Variants in CILK1 observed in about 807,000 individuals in gnomAD.
The protein encoded by CILK1 is serine/threonine-protein kinase ICK.
Under a neutral mutation model 79.2 loss-of-function variants are expected in CILK1, and 47 were observed. The ratio of observed to expected loss-of-function variants is 0.59; its 90% CI spans 0.47 to 0.76. The LOEUF is 0.76. CILK1 is among the 30% of genes least tolerant of loss of function. The pLI, the probability that CILK1 is intolerant of heterozygous loss-of-function variation, is 0.00. For synonymous variants in CILK1, 266 were observed against 275.9 expected (o/e 0.96, Z 0.36); for missense variants, 660 against 769.5 (o/e 0.86, Z 1.68).
In CILK1 at chr6:53,012,245, G is replaced by A. The variant is rs1562006114; in HGVS notation, c.1153-18C>T. 2 of 1,612,804 alleles carry A rather than the reference G, an allele frequency of 1.2e-6. No homozygotes were observed. The highest frequency in any genetic ancestry group is 8.5e-7 in the Non-Finnish European group (1 of 1,178,942). ...GTGATTTTCTGTGTAAACAAACGGG[G>A]TGGGGGAAAGCAATACTTGGCATTA... On this transcript the variant is annotated intron_variant, in intron 9 of 13. Transcript: ENST00000676107.
chr6:53,052,236 A>G (rs1181750693), intron 1 of CILK1, among the ~76,000 whole-genome samples: 1 of 152,138 alleles, frequency 6.6e-6, no homozygotes, highest in Non-Finnish European at 1.5e-5. Context: ...ATGATCTCAT[A>G]CCATTTTATA....
At chr6:53,014,355 C>T (rs192207824) in intron 8 of CILK1, among the ~76,000 whole-genome samples, 68 of 152,134 alleles carry the variant, frequency 4.5e-4, no homozygotes, top group Admixed American at 2.0e-3. Context: ...AAAAATAATA[C>T]AAAACTGAAA....
chr6:53,018,547 G>A, intron 6 of CILK1, 46 bp from the exon 7 acceptor site: 3 of 1,561,532 alleles, frequency 1.9e-6, no homozygotes, highest in Non-Finnish European at 2.6e-6. Flanking sequence ...CCACCACTCA[G>A]ACATTAAATT....
Position 53,032,619 on chromosome 6 carries a change from T to C in CILK1, c.192A>G (p.Lys64=), listed in dbSNP as rs1428163572. The part of the protein sequence containing the change: ...LKKLNHANVV[K]LKEVIRENDH... The stretch of plus-strand genomic sequence containing the variant: ...CATTTTCCCTGATAACTTCTTTTAA[T>C]TTGACTACATTGGCATGGTTGAGCT... Residue 64 remains lysine (K), a synonymous_variant, in exon 4 of 14, where the codon AAA becomes AAG. Transcript: ENST00000676107. The C allele has an allele frequency of 6.2e-7, 1 of 1,607,074 alleles. No homozygotes were observed. Among genetic ancestry groups the C allele is most frequent in the East Asian group, 2.2e-5 (1 of 44,600 alleles).
At chr6:53,015,105 C>T (rs2127413583) in intron 8 of CILK1, among the ~76,000 whole-genome samples, 1 of 152,340 alleles carries the variant, frequency 6.6e-6, no homozygotes, top group African/African-American at 2.4e-5. Flanking sequence ...CAACTATCAT[C>T]TCCCCAGCTA....
intron 5 of CILK1, among the ~76,000 whole-genome samples, chr6:53,030,430 T>C (rs1163487827): frequency 1.3e-5 from 2 of 152,200 alleles, no homozygotes; most frequent in African/African-American, 2.4e-5. Flanking sequence ...TTTTTACCTA[T>C]GTGTGTTGTA....
intron 9 of CILK1, among the ~76,000 whole-genome samples, 198 bp downstream of exon 9, chr6:53,013,464 G>C (rs1764699489): frequency 6.6e-6 from 1 of 152,206 alleles, no homozygotes; most frequent in African/African-American, 2.4e-5. Context: ...AGTGACAACG[G>C]TTTTAACAGG....
chr6:53,027,446 G>A (rs546407849), intron 5 of CILK1, among the ~76,000 whole-genome samples: 9 of 152,316 alleles, frequency 5.9e-5, no homozygotes, highest in Admixed American at 5.2e-4. Context: ...AGGAAATAGT[G>A]ACACGAAGTA....
Position 53,005,189 on chromosome 6 carries a change from C to CT in CILK1, c.1858_1859insA (p.Gly620GlufsTer59). On this transcript the variant is annotated frameshift_variant, in exon 14 of 14. Coordinates refer to ENST00000676107, the MANE Select transcript of CILK1 (RefSeq NM_014920.5). LOFTEE classifies it high-confidence loss of function. ...GTACTTGGAAGCCCAGTCTGTCCGG[C>CT]CATGCACTGGCTGGGCGGCTGGAGG... 1 of 1,614,204 alleles carries CT rather than the reference C, an allele frequency of 6.2e-7. No homozygotes were observed. Among genetic ancestry groups the CT allele is most frequent in the Non-Finnish European group, 8.5e-7 (1 of 1,180,042 alleles).
intron 3 of CILK1, among the ~76,000 whole-genome samples, 174 bp downstream of exon 3, chr6:53,037,765 C>T (rs945656986): frequency 4.6e-5 from 7 of 152,098 alleles, no homozygotes; most frequent in Admixed American, 2.0e-4. Flanking sequence ...TTTCTAATAA[C>T]AGTATATACA....
chr6:53,013,576 C>T (rs1365338948), intron 9 of CILK1, 86 bp downstream of exon 9: 7 of 1,334,282 alleles, frequency 5.2e-6, no homozygotes, highest in East Asian at 4.6e-5. Context: ...ACCCTGTATA[C>T]TGAAAAAGAA....
rs1010960094 is a variant in CILK1, at chr6:53,013,843, T to C, written c.971A>G (p.Gln324Arg). 7.4e-6 allele frequency: 12 copies of C among 1,614,132 alleles called. No individual in the cohort carries two copies. Among genetic ancestry groups the C allele is most frequent in the Non-Finnish European group, 1.0e-5 (12 of 1,180,004 alleles). The change falls in exon 9 of 14, where the codon CAG becomes CGG. Residue 324 changes from glutamine to arginine, a missense_variant. Gln to Arg is a conservative substitution (Grantham distance 43). Coordinates refer to ENST00000676107, the MANE Select transcript of CILK1 (RefSeq NM_014920.5). ...PPYIKPVPPA[Q>R]PPAKPHTRIS... The stretch of plus-strand genomic sequence containing the variant: ...TCGTGTGTGTGGCTTGGCTGGTGGC[T>C]GGGCAGGTGGGACTGGCTTAATATA...
At chr6:53,043,506 C>T (rs1197369765) in intron 1 of CILK1, among the ~76,000 whole-genome samples, 1 of 152,070 alleles carries the variant, frequency 6.6e-6, no homozygotes, top group Non-Finnish European at 1.5e-5. Flanking sequence ...CAGCTCATTC[C>T]CTTTCCCCTA....
Position 53,041,300 on chromosome 6 carries a change from C to T in CILK1, c.-64G>A. On this transcript the variant is annotated 5_prime_UTR_variant, in exon 2 of 14. Coordinates refer to ENST00000676107, the MANE Select transcript of CILK1 (RefSeq NM_014920.5). ...AAGTGGTTCAGTTCTGCAGTGGTAG[C>T]AGTCCTCCCCAGAGTGTAACCAGAT... is the stretch of plus-strand genomic sequence containing the variant. 2 of 1,097,094 alleles carry T rather than the reference C, an allele frequency of 1.8e-6. No individual in the cohort carries two copies. The highest frequency in any genetic ancestry group is 2.5e-5 in the South Asian group (2 of 80,486). 68.0% of individuals were successfully genotyped at this position (1,097,094 alleles called of 1,614,324 possible). A position where few individuals can be genotyped will look rare whatever the true frequency, so the allele number is the denominator to read the frequency against.
At chr6:53,006,495 A>G (rs762909501) in intron 12 of CILK1, 58 bp from the exon 13 acceptor site, 68 of 1,596,084 alleles carry the variant, frequency 4.3e-5, no homozygotes, top group Admixed American at 8.4e-5. Flanking sequence ...GGACACCAAC[A>G]AGGTTAAATG....
chr6:53,049,251 G>A (rs1767313804), intron 1 of CILK1, among the ~76,000 whole-genome samples: 1 of 152,204 alleles, frequency 6.6e-6, no homozygotes, highest in Admixed American at 6.5e-5. Flanking sequence ...CTTACAGTGG[G>A]CTATACTAAC....
At chr6:53,013,115 C>G (rs1201184047) in intron 9 of CILK1, among the ~76,000 whole-genome samples, 1 of 152,212 alleles carries the variant, frequency 6.6e-6, no homozygotes, top group Admixed American at 6.5e-5. Context: ...ATGAACAACC[C>G]TGTCTGGTAG....
At chr6:53,041,771 G>A (rs756922473) in intron 1 of CILK1, among the ~76,000 whole-genome samples, 41 of 152,188 alleles carry the variant, frequency 2.7e-4, no homozygotes, top group Non-Finnish European at 4.7e-4. Flanking sequence ...TTGAGTGAGT[G>A]TAGGGTGGGT....
chr6:53,025,563 G>A (rs1180069180), intron 5 of CILK1, among the ~76,000 whole-genome samples: 1 of 152,106 alleles, frequency 6.6e-6, no homozygotes, highest in Admixed American at 6.5e-5. Context: ...TGAAATGAGG[G>A]GAAGGAAGAT....
Sources: gnomAD v4.1 joint callset for allele counts (sites outside exome capture counted in the v4.1 genomes callset) on GRCh38, gnomAD v4.1.1 for gene constraint, MANE v1.5 for transcripts, NCBI Gene and HGNC (gene_info 2026-07-23, HGNC 2026-07-21) for gene names.